Variants in DAAM2 observed in about 807,000 individuals in gnomAD.
The protein encoded by DAAM2 is disheveled-associated activator of morphogenesis 2.
Under a neutral mutation model 120.7 loss-of-function variants are expected in DAAM2, and 39 were observed. The observed-to-expected ratio is 0.32, with a 90% confidence interval of 0.25 to 0.42. The LOEUF is 0.42. Among genes scored for constraint, DAAM2 ranks in the 10% least tolerant of loss-of-function variants. DAAM2 has a pLI of 1.00. For synonymous variants in DAAM2, 488 were observed against 524.9 expected (o/e 0.93, Z 0.96); for missense variants, 1,283 against 1,401.7 (o/e 0.92, Z 1.35).
intron 1 of DAAM2, among the ~76,000 whole-genome samples, chr6:39,836,120 C>A (rs1279347969): frequency 6.6e-6 from 1 of 152,134 alleles, no homozygotes; most frequent in Non-Finnish European, 1.5e-5. Context: ...CTTTAAATCC[C>A]AGCCCCTCTG....
At chr6:39,833,344 G>A (rs1043219024) in intron 1 of DAAM2, among the ~76,000 whole-genome samples, 1 of 150,754 alleles carries the variant, frequency 6.6e-6, no homozygotes, top group African/African-American at 2.5e-5. Context: ...TCGCTCTGTC[G>A]CCCAGGCTGG....
At position 39,903,369 on chromosome 6, in the gene DAAM2, T is replaced by C. The variant is rs1766597751; in HGVS notation, c.*1332T>C. 2 of 152,266 alleles carry C rather than the reference T, an allele frequency of 1.3e-5. No individual in the cohort carries two copies. The highest frequency in any genetic ancestry group is 1.3e-4 in the Admixed American group (2 of 15,284). 9.4% of individuals were successfully genotyped at this position (152,266 alleles called of 1,614,324 possible). A position where few individuals can be genotyped will look rare whatever the true frequency, so the allele number is the denominator to read the frequency against. ...GGGCCACCCCATTTCTGGTACCCAA[T>C]TTGGTTCTTCAGCCCAACTTGCAAG... On this transcript the variant is annotated 3_prime_UTR_variant, in exon 25 of 25. Coordinates refer to ENST00000274867, the MANE Select transcript of DAAM2 (RefSeq NM_001201427.2).
At chr6:39,802,883 C>T (rs1442058617) in intron 1 of DAAM2, among the ~76,000 whole-genome samples, 1 of 152,162 alleles carries the variant, frequency 6.6e-6, no homozygotes, top group Non-Finnish European at 1.5e-5. Flanking sequence ...TCTCTGGTTA[C>T]TACCCTTCCA....
chr6:39,850,239 C>T (rs77158742), intron 1 of DAAM2, among the ~76,000 whole-genome samples: 11,324 of 152,244 alleles, frequency 0.074, 735 homozygotes, highest in African/African-American at 0.17. Context: ...CTGCTTATGC[C>T]GTTTTCCTTG....
At chr6:39,848,797 T>C (rs1216107879) in intron 1 of DAAM2, 2 of 152,158 alleles carry the variant, frequency 1.3e-5, no homozygotes, top group African/African-American at 4.8e-5. Flanking sequence ...ACAGTACAAG[T>C]CAGTCAAATT....
chr6:39,867,725 C>A lies in DAAM2; in HGVS notation c.644C>A (p.Thr215Asn). 1 of 1,614,038 alleles carries A rather than the reference C, an allele frequency of 6.2e-7. No individual in the cohort carries two copies. The highest frequency in any genetic ancestry group is 8.5e-7 in the Non-Finnish European group (1 of 1,179,908). ...AQSLRTENSKTKVAVLEILGA... is the reference protein window; with the variant it reads ...AQSLRTENSKNKVAVLEILGA... ...AGCCTACGCACAGAGAACAGCAAGA[C>A]CAAGGTGGCTGTGCTGGAGATCCTG... Residue 215 changes from threonine (T) to asparagine (N), a missense_variant, in exon 6 of 25, where the codon ACC (threonine) becomes AAC (asparagine). By Grantham distance (65) the Thr-to-Asn change is moderately conservative. This residue lies in a region of DAAM2 where 338 missense variants were observed against 443.9 expected (regional missense o/e 0.76). Transcript: ENST00000274867.
At chr6:39,877,269 A>G (rs1203380082) in intron 11 of DAAM2, among the ~76,000 whole-genome samples, 1 of 152,174 alleles carries the variant, frequency 6.6e-6, no homozygotes, top group Non-Finnish European at 1.5e-5. Context: ...AACGAACTCT[A>G]GGAGTGCTGG....
In DAAM2 at chr6:39,901,840, T is replaced by TGGCAGC. The variant is rs747618269; in HGVS notation, c.3019_3024dup (p.Gln1007_Arg1008dup). On this transcript the variant is annotated inframe_insertion, in exon 25 of 25. Transcript: ENST00000274867. This position sits in a 1 kb window ranked among gnomAD's most constrained non-coding sequence, Gnocchi z 4.5. ...GAAGGAGCAGAGGGAACGTGAGCGG[T>TGGCAGC]GGCAGCGGCAGCGGAAGGTCCTGGC... 11 of 1,562,856 alleles carry TGGCAGC rather than the reference T, an allele frequency of 7.0e-6. No individual in the cohort carries two copies. The South Asian group carries it at 9.5e-5, about 13-fold the overall frequency.
At chr6:39,892,970 C>T (rs529575713) in intron 19 of DAAM2, among the ~76,000 whole-genome samples, 7 of 152,304 alleles carry the variant, frequency 4.6e-5, no homozygotes, top group African/African-American at 1.7e-4. Context: ...TAAGGTCTGG[C>T]CATATCTCCT....
chr6:39,844,459 T>C (rs1051442752), intron 1 of DAAM2, among the ~76,000 whole-genome samples: 3 of 152,046 alleles, frequency 2.0e-5, no homozygotes, highest in East Asian at 3.9e-4. Context: ...AGCCCTAGTT[T>C]GGGCATCGTC....
intron 1 of DAAM2, among the ~76,000 whole-genome samples, chr6:39,853,048 C>T (rs1484696076): frequency 1.3e-5 from 2 of 152,144 alleles, no homozygotes; most frequent in Non-Finnish European, 2.9e-5. Flanking sequence ...GTAAGAAAAG[C>T]CCATTGACAG....
intron 1 of DAAM2, among the ~76,000 whole-genome samples, chr6:39,809,932 C>T (rs1290188807): frequency 1.3e-5 from 2 of 151,792 alleles, no homozygotes; most frequent in Non-Finnish European, 2.9e-5. Context: ...ACCCAGGCTC[C>T]CTCTCTCTCT....
chr6:39,902,142 C>A lies in DAAM2; in HGVS notation c.*105C>A. On this transcript the variant is annotated 3_prime_UTR_variant, in exon 25 of 25. Coordinates refer to ENST00000274867, the MANE Select transcript of DAAM2 (RefSeq NM_001201427.2). ...AAACCATTTGGTGCTTGGTTTAGAG[C>A]CTTGGGCTGGGTCCTGGGATGGGGG... 9.6e-7 allele frequency: 1 copy of A among 1,039,408 alleles called. No homozygotes were observed. Among genetic ancestry groups the A allele is most frequent in the East Asian group, 2.7e-5 (1 of 36,916 alleles). 64.4% of individuals were successfully genotyped at this position (1,039,408 alleles called of 1,614,324 possible). A position where few individuals can be genotyped will look rare whatever the true frequency, so the allele number is the denominator to read the frequency against.
intron 15 of DAAM2, chr6:39,884,596 C>A: frequency 6.7e-6 from 1 of 149,458 alleles, no homozygotes; most frequent in South Asian, 2.0e-4. Flanking sequence ...CCATGTCACT[C>A]AGGGGGCTGA....
chr6:39,837,742 C>T (rs1294879694), intron 1 of DAAM2, among the ~76,000 whole-genome samples: 1 of 150,722 alleles, frequency 6.6e-6, no homozygotes, highest in Admixed American at 6.6e-5. Context: ...CTTCATGTGT[C>T]TGTTTCTCAA....
chr6:39,870,697 G>T (rs1243709890), intron 8 of DAAM2, among the ~76,000 whole-genome samples: 3 of 152,228 alleles, frequency 2.0e-5, no homozygotes, highest in Non-Finnish European at 2.9e-5. Flanking sequence ...CCCCTGGGGG[G>T]CATGTGGAAA....
intron 1 of DAAM2, among the ~76,000 whole-genome samples, chr6:39,800,406 C>T (rs1196075037): frequency 6.6e-6 from 1 of 152,152 alleles, no homozygotes; most frequent in Non-Finnish European, 1.5e-5. Context: ...TCCTTAATTA[C>T]TGAATATGCG....
chr6:39,816,839 C>T (rs973001453), intron 1 of DAAM2, among the ~76,000 whole-genome samples: 6 of 152,228 alleles, frequency 3.9e-5, no homozygotes, highest in Admixed American at 6.5e-5. Flanking sequence ...TTTCCAGTAC[C>T]GTCTCTAGTC....
intron 14 of DAAM2, among the ~76,000 whole-genome samples, chr6:39,881,471 C>T (rs1001909827): frequency 2.6e-5 from 4 of 152,226 alleles, no homozygotes; most frequent in African/African-American, 9.6e-5. Flanking sequence ...GTAATCCCAG[C>T]ACTTGGGGAG....
Sources: allele counts gnomAD v4.1 joint callset (sites outside exome capture counted in the v4.1 genomes callset), GRCh38; gene constraint gnomAD v4.1.1; regional missense constraint gnomAD v4.1.1; non-coding constraint Gnocchi (gnomAD v3.1); transcripts MANE v1.5; gene names NCBI Gene and HGNC (gene_info 2026-07-23, HGNC 2026-07-21).